XKRX: variants seen among roughly 807,000 people sequenced by gnomAD.
The protein encoded by XKRX is XK-related protein 2.
XKRX carries 11 observed loss-of-function variants against 22.4 expected under a neutral mutation model. The observed-to-expected ratio is 0.49, with a 90% CI of 0.31 to 0.81. XKRX has a LOEUF of 0.81. XKRX is among the 40% of genes least tolerant of loss of function. The probability of loss-of-function intolerance (pLI) is 0.05; values close to 1 mark genes in which losing one functional copy is unlikely to be tolerated. For missense variants in XKRX, 320 were observed against 336.5 expected (o/e 0.95, Z 0.38); for synonymous variants, 114 against 132.2 (o/e 0.86, Z 0.94).
upstream of XKRX, among the ~76,000 whole-genome samples, chrX:100,930,436 AG>A (rs1174567396): frequency 5.5e-4 from 61 of 110,233 alleles, no homozygotes; most frequent in African/African-American, 1.9e-3. Context: ...AATGGCCTCC[AG>A]GTTGTCCTGT....
Position 100,928,415 on chromosome X carries a change from T to C in XKRX, c.-111A>G. ...CCAAGTATAGGTGAGGAGAGCTCTG[T>C]CAAGTCCAGTTTGGGAACAGAGATT... On this transcript the variant is annotated 5_prime_UTR_variant, in exon 1 of 3. It removes the in-frame stop codon of an upstream open reading frame in the 5' UTR. Coordinates refer to ENST00000372956, the MANE Select transcript of XKRX (RefSeq NM_212559.3). The C allele has an allele frequency of 2.6e-6, 3 of 1,140,120 alleles. No homozygotes were observed. The highest frequency in any genetic ancestry group is 3.5e-6 in the Non-Finnish European group (3 of 864,073). 94.0% of individuals were successfully genotyped at this position (1,140,120 alleles called of 1,213,427 possible).
At chrX:100,891,796 AAAGT>A in the XKRX span, among the ~76,000 whole-genome samples, 984 of 95,428 alleles carry the variant, frequency 0.01, 63 homozygotes, top group East Asian at 0.024. Context: ...AGAAAGAAAG[AAAGT>A]AAGTTAAAAA....
the XKRX span, among the ~76,000 whole-genome samples, chrX:100,938,544 G>A: frequency 2.7e-5 from 3 of 111,300 alleles, no homozygotes; most frequent in Non-Finnish European, 5.6e-5. Flanking sequence ...CAGGAGAATC[G>A]CTTGAACCCG....
intron 1 of XKRX, 121 bp downstream of exon 1, chrX:100,927,849 G>A: frequency 1.1e-6 from 1 of 908,637 alleles, no homozygotes; most frequent in Non-Finnish European, 1.5e-6. Context: ...GAAGCCGAGA[G>A]TGGGAGGAAA....
At chrX:100,947,904 ATT>A in the XKRX span, among the ~76,000 whole-genome samples, 5 of 102,385 alleles carry the variant, frequency 4.9e-5, no homozygotes, top group Non-Finnish European at 2.0e-5. Context: ...TAATACATGA[ATT>A]TTTTTTTTTT....
chrX:100,918,940 T>A (rs1034408063), intron 2 of XKRX, among the ~76,000 whole-genome samples: 1 of 111,488 alleles, frequency 9.0e-6, no homozygotes, highest in Non-Finnish European at 1.9e-5. Context: ...CAGGTCATTT[T>A]AAAACTGATA....
chrX:100,910,608 C>A, downstream of XKRX: 25 of 213,866 alleles, frequency 1.2e-4, no homozygotes, highest in East Asian at 2.5e-4. Context: ...AAAAAGATTT[C>A]AGAGAGGACT....
intron 2 of XKRX, among the ~76,000 whole-genome samples, chrX:100,919,267 T>A (rs2085460197): frequency 8.9e-6 from 1 of 111,868 alleles, no homozygotes; most frequent in Admixed American, 9.6e-5. Context: ...CTTAAAAGAT[T>A]GGGGAAAATT....
chrX:100,928,489 G>C lies in XKRX; in HGVS notation c.-185C>G, dbSNP rs1484078963. On this transcript the variant is annotated 5_prime_UTR_variant, in exon 1 of 3. Coordinates refer to ENST00000372956, the MANE Select transcript of XKRX (RefSeq NM_212559.3). ...TCTCTTCTAGACTCAGATTCGACTT[G>C]GAGTCTGGGATGGAAAGCCCAGGAG... 5.1e-5 allele frequency: 56 copies of C among 1,087,626 alleles called. No individual in the cohort carries two copies. The highest frequency in any genetic ancestry group is 6.1e-5 in the Non-Finnish European group (51 of 840,246). 89.6% of individuals were successfully genotyped at this position (1,087,626 alleles called of 1,213,427 possible).
chrX:100,952,445 A>C, the XKRX span, among the ~76,000 whole-genome samples: 1 of 111,195 alleles, frequency 9.0e-6, no homozygotes, highest in East Asian at 2.8e-4. Flanking sequence ...AAAGATCAGA[A>C]AAAAAGGCAA....
the XKRX span, among the ~76,000 whole-genome samples, chrX:100,897,157 T>C: frequency 9.0e-6 from 1 of 111,631 alleles, no homozygotes; most frequent in South Asian, 3.8e-4. Context: ...GAAGTTAATA[T>C]ACTTAGAAAC....
intron 1 of XKRX, among the ~76,000 whole-genome samples, chrX:100,925,198 T>A (rs892538042): frequency 8.9e-6 from 1 of 112,443 alleles, no homozygotes; most frequent in Non-Finnish European, 1.9e-5. Context: ...TACATTTACA[T>A]AAATGTTCTG....
In XKRX at chrX:100,914,798, T is replaced by C. The variant is rs2085424812; in HGVS notation, c.890A>G (p.Asn297Ser). The C allele has an allele frequency of 8.3e-7, 1 of 1,211,725 alleles. No individual in the cohort carries two copies. The highest frequency in any genetic ancestry group is 1.1e-6 in the Non-Finnish European group (1 of 895,562). The change falls in exon 3 of 3, where the codon AAT (asparagine) becomes AGT (serine). Residue 297 changes from asparagine (N) to serine (S), a missense_variant. Physicochemically the swap from Asn to Ser is conservative, Grantham distance 46. Coordinates refer to ENST00000372956, the MANE Select transcript of XKRX (RefSeq NM_212559.3). ...KFWRSGAQMP[N>S]NIEKNFSRVG... The stretch of plus-strand genomic sequence containing the variant: ...CCGGCTGAAGTTTTTCTCAATGTTA[T>C]TGGGCATCTGGGCACCACTTCTCCA...
chrX:100,926,080 G>A (rs1412297903), intron 1 of XKRX, among the ~76,000 whole-genome samples: 3 of 111,750 alleles, frequency 2.7e-5, no homozygotes, highest in Non-Finnish European at 5.6e-5. Flanking sequence ...CTACTCCTCA[G>A]TATTTCTCTG....
intron 2 of XKRX, among the ~76,000 whole-genome samples, chrX:100,917,792 C>A (rs1310504544): frequency 9.3e-6 from 1 of 107,050 alleles, no homozygotes; most frequent in Non-Finnish European, 1.9e-5. Context: ...GTTCTCAATT[C>A]ACTGAGATAC....
chrX:100,956,943 C>T, the XKRX span: 6 of 1,031,974 alleles, frequency 5.8e-6, no homozygotes, highest in Admixed American at 4.4e-5. Context: ...AGAATTTAAT[C>T]GTGGATGAGG....
At chrX:100,947,310 A>G in the XKRX span, among the ~76,000 whole-genome samples, 5 of 111,748 alleles carry the variant, frequency 4.5e-5, no homozygotes, top group African/African-American at 9.8e-5. Flanking sequence ...CTTTCCCCCA[A>G]TTACTTTAGC....
the XKRX span, among the ~76,000 whole-genome samples, chrX:100,899,237 G>T: frequency 8.8e-6 from 1 of 113,041 alleles, no homozygotes; most frequent in African/African-American, 3.2e-5. Flanking sequence ...AGAACAGGCC[G>T]GGCGTGGTGG....
chrX:100,944,358 T>TAA, the XKRX span, among the ~76,000 whole-genome samples: 2 of 111,015 alleles, frequency 1.8e-5, no homozygotes, highest in Non-Finnish European at 3.8e-5. Flanking sequence ...TAAATCAACG[T>TAA]TTTTGTTTTG....
Sources: gnomAD v4.1 joint callset for allele counts (sites outside exome capture counted in the v4.1 genomes callset) on GRCh38, gnomAD v4.1.1 for gene constraint, MANE v1.5 for transcripts, NCBI Gene and HGNC (gene_info 2026-07-23, HGNC 2026-07-21) for gene names.